Variants in SRGAP2B observed in about 807,000 individuals in gnomAD.
SRGAP2B encodes the protein SLIT-ROBO Rho GTPase-activating protein 2B.
A neutral mutation model predicts 22.2 loss-of-function variants in SRGAP2B; 9 were observed. That is an observed-to-expected ratio of 0.41 (90% CI 0.24 to 0.71). The LOEUF (loss-of-function observed/expected upper bound fraction) is 0.71. Ranked by LOEUF, SRGAP2B falls within the 30% of genes least tolerant of loss-of-function variation. SRGAP2B has a pLI of 0.35. For synonymous variants in SRGAP2B, 36 were observed against 87.4 expected (o/e 0.41, Z 3.28); for missense variants, 114 against 235.8 (o/e 0.48, Z 3.38).
At chr1:144,971,119 T>C (rs1389659424) in intron 3 of SRGAP2B, among the ~76,000 whole-genome samples, 1 of 149,460 alleles carries the variant, frequency 6.7e-6, no homozygotes, top group Non-Finnish European at 1.5e-5. Flanking sequence ...GTATACTAAA[T>C]AGGAACACTT....
At chr1:144,892,572 C>A (rs1222205386) in intron 9 of SRGAP2B, among the ~76,000 whole-genome samples, 191 bp from the exon 10 acceptor site, 1 of 150,370 alleles carries the variant, frequency 6.7e-6, no homozygotes, top group Non-Finnish European at 1.5e-5. Flanking sequence ...CTACTCTCTA[C>A]AGTGAAAACC....
chr1:144,970,610 C>A, intron 3 of SRGAP2B, among the ~76,000 whole-genome samples: 2 of 101,816 alleles, frequency 2.0e-5, no homozygotes, highest in Admixed American at 1.1e-4. Context: ...AACTAACCTG[C>A]ACAATGTGCA....
At position 145,009,872 on chromosome 1, in the gene SRGAP2B, A is replaced by G. The variant is rs375173886; in HGVS notation, c.68-14672T>C. On this transcript the variant is annotated intron_variant, in intron 2 of 9. Transcript: ENST00000612199. ...ATGAAATGAACACAGAAAAATCAAC[A>G]AAGACTTATAATGTTTAAATTTTTG... 2.9e-3 allele frequency among the ~76,000 whole-genome samples: 343 copies of G among 116,748 alleles called. 5 individuals are homozygous for G. The highest frequency in any genetic ancestry group is 0.013 in the South Asian group (44 of 3,298). 76.6% of individuals were successfully genotyped at this position (116,748 alleles called of 152,430 possible).
chr1:144,939,315 C>T (rs1195236618), intron 4 of SRGAP2B, among the ~76,000 whole-genome samples: 2 of 149,694 alleles, frequency 1.3e-5, no homozygotes, highest in Non-Finnish European at 2.9e-5. Context: ...AGATAAGAAA[C>T]AGATGGCTAA....
chr1:145,009,492 G>A (rs1161614099), intron 2 of SRGAP2B, among the ~76,000 whole-genome samples: 2 of 146,914 alleles, frequency 1.4e-5, no homozygotes, highest in African/African-American at 2.6e-5. Flanking sequence ...GGAGGCTGAG[G>A]CAGGAGAATG....
chr1:144,939,606 C>G (rs587716842), intron 4 of SRGAP2B, among the ~76,000 whole-genome samples: 3 of 145,940 alleles, frequency 2.1e-5, no homozygotes, highest in Admixed American at 2.0e-4. Context: ...CGAGCAATTA[C>G]AGACAATAAA....
At chr1:144,984,721 T>A (rs587676677) in intron 3 of SRGAP2B, among the ~76,000 whole-genome samples, 1 of 150,138 alleles carries the variant, frequency 6.7e-6, no homozygotes, top group South Asian at 2.1e-4. Flanking sequence ...GCAACTGGTT[T>A]CCTTGGTCTC....
intron 2 of SRGAP2B, among the ~76,000 whole-genome samples, chr1:145,047,171 G>A (rs1649882203): frequency 2.8e-5 from 2 of 72,608 alleles, no homozygotes; most frequent in Admixed American, 1.9e-4. Flanking sequence ...GCAAGACTCT[G>A]TCTCAAAAAA....
rs1553610111 is a variant in SRGAP2B at position 144,955,494 on chromosome 1, T to C, written c.368A>G (p.Asn123Ser). ...GACTTGTACAAATCGAGGAATGATA[T>C]TATTCAGGTAGATGTCACTCAGGGT... Residue 123 changes from asparagine to serine, a missense_variant, in exon 4 of 10, where the codon AAT (asparagine) becomes AGT (serine). Around this residue, in one of 2 missense-constraint regions of SRGAP2B, gnomAD observed 95 missense variants for 139.0 expected, o/e 0.68. Transcript: ENST00000612199. 4 of 1,229,112 alleles carry C rather than the reference T, an allele frequency of 3.3e-6. No individual in the cohort carries two copies. In the South Asian group the frequency reaches 4.0e-5, roughly 12 times the overall value. 76.1% of individuals were successfully genotyped at this position (1,229,112 alleles called of 1,614,324 possible).
chr1:144,934,134 G>A (rs1293365184), intron 4 of SRGAP2B, among the ~76,000 whole-genome samples: 6 of 150,248 alleles, frequency 4.0e-5, no homozygotes, highest in Non-Finnish European at 1.5e-5. Flanking sequence ...GCCGGGTGCA[G>A]TGGCTTATGC....
intron 2 of SRGAP2B, among the ~76,000 whole-genome samples, chr1:145,073,151 T>G (rs1652271077): frequency 6.6e-6 from 1 of 150,504 alleles, no homozygotes; most frequent in Non-Finnish European, 1.5e-5. Flanking sequence ...GGGAGAATAT[T>G]TCTGAAAGTG....
intron 4 of SRGAP2B, among the ~76,000 whole-genome samples, chr1:144,939,417 T>C (rs1163710881): frequency 1.3e-5 from 2 of 150,208 alleles, no homozygotes; most frequent in Non-Finnish European, 2.9e-5. Flanking sequence ...ATGAATCTGT[T>C]TTTTTTCCAA....
At chr1:144,925,727 A>AAAAGAAAGAAAG (rs202130146) in intron 4 of SRGAP2B, among the ~76,000 whole-genome samples, 2,287 of 104,114 alleles carry the variant, frequency 0.022, 16 homozygotes, top group East Asian at 0.026. Context: ...AGAGAGAAAG[A>AAAAGAAAGAAAG]AAAGAAAGAA....
intron 2 of SRGAP2B, among the ~76,000 whole-genome samples, chr1:145,012,862 A>G (rs1481044694): frequency 1.4e-5 from 2 of 146,698 alleles, no homozygotes; most frequent in Non-Finnish European, 3.0e-5. Flanking sequence ...AGGCAGGCAG[A>G]TCACTTGAGG....
intron 3 of SRGAP2B, among the ~76,000 whole-genome samples, chr1:144,967,494 G>C (rs1668176056): frequency 6.8e-6 from 1 of 146,486 alleles, no homozygotes; most frequent in Admixed American, 6.8e-5. Flanking sequence ...TCAAAGCAGT[G>C]TGTAGAGGGA....
At chr1:144,925,480 C>T (rs1406647496) in intron 4 of SRGAP2B, among the ~76,000 whole-genome samples, 36 of 142,096 alleles carry the variant, frequency 2.5e-4, no homozygotes, top group Non-Finnish European at 4.6e-4. Context: ...GCTGTCTCTA[C>T]TAAAAATACA....
chr1:144,993,148 G>A (rs1670388401), intron 3 of SRGAP2B, among the ~76,000 whole-genome samples: 2 of 151,062 alleles, frequency 1.3e-5, no homozygotes, highest in South Asian at 4.1e-4. Context: ...TGTTCTGTTT[G>A]GCTCGGGTAT....
intron 3 of SRGAP2B, among the ~76,000 whole-genome samples, chr1:144,975,042 ATGGT>A (rs2102031350): frequency 1.4e-5 from 2 of 147,332 alleles, no homozygotes; most frequent in East Asian, 3.9e-4. Flanking sequence ...GTAGGGGAAA[ATGGT>A]TGGTTTGTTC....
chr1:144,991,094 A>G (rs1363662379), intron 3 of SRGAP2B, among the ~76,000 whole-genome samples: 1 of 151,032 alleles, frequency 6.6e-6, no homozygotes, highest in Non-Finnish European at 1.5e-5. Context: ...GATCCACTAG[A>G]TGAAGCCAAC....
Sources: gnomAD v4.1 joint callset for allele counts (sites outside exome capture counted in the v4.1 genomes callset) on GRCh38, gnomAD v4.1.1 for gene constraint, gnomAD v4.1.1 regional missense constraint, MANE v1.5 for transcripts, NCBI Gene and HGNC (gene_info 2026-07-23, HGNC 2026-07-21) for gene names.